RBFOX1: variants seen among roughly 807,000 people sequenced by gnomAD.
RBFOX1 encodes the protein RNA binding protein fox-1 homolog 1.
In RBFOX1, 8 loss-of-function variants were observed where a neutral mutation model predicts 57.7. The observed-to-expected ratio is 0.14, with a 90% confidence interval of 0.08 to 0.25. The LOEUF is 0.25. RBFOX1 is among the 10% of genes least tolerant of loss of function. The pLI is 1.00. For synonymous variants in RBFOX1, 326 were observed against 222.4 expected (o/e 1.47, Z -4.15); for missense variants, 611 against 548.5 (o/e 1.11, Z -1.14).
chr16:6,562,068 C>G (rs532810945), intron 2 of RBFOX1, among the ~76,000 whole-genome samples: 5 of 152,128 alleles, frequency 3.3e-5, no homozygotes, highest in African/African-American at 1.2e-4. Flanking sequence ...TCATTTCCAT[C>G]ATTACTGATG....
intron 14 of RBFOX1, among the ~76,000 whole-genome samples, chr16:7,707,184 C>A (rs1214352209): frequency 1.3e-5 from 2 of 152,170 alleles, no homozygotes; most frequent in Non-Finnish European, 2.9e-5. Flanking sequence ...CCCTTTGACA[C>A]AGGCAGATGG....
At chr16:6,221,963 T>C (rs1304651791) in intron 1 of RBFOX1, among the ~76,000 whole-genome samples, 2 of 152,178 alleles carry the variant, frequency 1.3e-5, no homozygotes, top group Non-Finnish European at 2.9e-5. Context: ...TTATTTACTT[T>C]AGTCCCTATC....
intron 3 of RBFOX1, among the ~76,000 whole-genome samples, chr16:6,998,700 A>G (rs2092484717): frequency 6.6e-6 from 1 of 152,088 alleles, no homozygotes; most frequent in South Asian, 2.1e-4. Flanking sequence ...AGGATGTTTG[A>G]TGATGGCTAC....
chr16:7,679,415 A>G (rs1316630934), intron 14 of RBFOX1, among the ~76,000 whole-genome samples: 5 of 152,202 alleles, frequency 3.3e-5, no homozygotes, highest in African/African-American at 1.2e-4. Context: ...GATAAAGAAA[A>G]ACTTAACAGA....
chr16:6,378,386 G>A (rs1336167632), intron 2 of RBFOX1, among the ~76,000 whole-genome samples: 2 of 152,160 alleles, frequency 1.3e-5, no homozygotes, highest in African/African-American at 2.4e-5. Flanking sequence ...AGCTCGCTGG[G>A]CATCTTTCTG....
intron 4 of RBFOX1, among the ~76,000 whole-genome samples, chr16:7,183,901 A>G (rs1418334540): frequency 1.3e-5 from 2 of 152,172 alleles, no homozygotes; most frequent in Non-Finnish European, 2.9e-5. Flanking sequence ...GGAGTAGTTT[A>G]AAGGGGATAG....
At chr16:6,061,718 AAC>A (rs1174699233) in intron 1 of RBFOX1, among the ~76,000 whole-genome samples, 2 of 152,152 alleles carry the variant, frequency 1.3e-5, no homozygotes, top group African/African-American at 4.8e-5. Context: ...CATAGAAAAA[AAC>A]AGTGTTTTCA....
At chr16:7,264,142 C>G (rs1331737492) in intron 4 of RBFOX1, among the ~76,000 whole-genome samples, 2 of 152,088 alleles carry the variant, frequency 1.3e-5, no homozygotes, top group Non-Finnish European at 2.9e-5. Context: ...GGAAAGGAAG[C>G]TTATAAACTG....
In RBFOX1 at chr16:6,940,879, G is replaced by GTGTGTGTTTGTGTGTGTGTGTGTGTGTT. The variant is rs1555653222; in HGVS notation, c.-15-111171_-15-111170insTTGTGTGTGTGTGTGTGTGTTTGTGTGT. On this transcript the variant is annotated intron_variant, in intron 3 of 15. Coordinates refer to ENST00000550418, the MANE Select transcript of RBFOX1 (RefSeq NM_018723.4). ...TGTGTGTGTGTGTGTGTGTGTGTGT[G>GTGTGTGTTTGTGTGTGTGTGTGTGTGTT]TGTGTGTGTGTTAGAGATGGGGTTT... 1.3e-3 allele frequency among the ~76,000 whole-genome samples: 182 copies of GTGTGTGTTTGTGTGTGTGTGTGTGTGTT among 138,648 alleles called. 4 individuals are homozygous for GTGTGTGTTTGTGTGTGTGTGTGTGTGTT. Among genetic ancestry groups the GTGTGTGTTTGTGTGTGTGTGTGTGTGTT allele is most frequent in the African/African-American group, 4.8e-3 (174 of 35,912 alleles). 91.0% of individuals were successfully genotyped at this position (138,648 alleles called of 152,430 possible). A position where few individuals can be genotyped will look rare whatever the true frequency, so the allele number is the denominator to read the frequency against.
intron 2 of RBFOX1, among the ~76,000 whole-genome samples, chr16:6,497,852 C>T (rs542428319): frequency 1.4e-3 from 213 of 152,142 alleles, no homozygotes; most frequent in Admixed American, 2.1e-3. Flanking sequence ...TCACCACTCC[C>T]GGCCCTATTT....
At chr16:6,304,133 C>T (rs1567892389) in intron 1 of RBFOX1, among the ~76,000 whole-genome samples, 1 of 151,476 alleles carries the variant, frequency 6.6e-6, no homozygotes, top group African/African-American at 2.4e-5. Context: ...CACTAAAATA[C>T]AAAAATTACC....
chr16:5,802,811 A>G (rs1357875239), intron 3 of RBFOX1, among the ~76,000 whole-genome samples: 2 of 152,186 alleles, frequency 1.3e-5, no homozygotes, highest in Non-Finnish European at 2.9e-5. Flanking sequence ...TCATCCATCT[A>G]TACACATATG....
At position 5,503,603 on chromosome 16, in the gene RBFOX1, C is replaced by T. The variant is rs2043276600; in HGVS notation, c.258+36349C>T. Among the ~76,000 whole-genome samples, 4 of 152,266 alleles carry T rather than the reference C, an allele frequency of 2.6e-5. No homozygotes were observed. The South Asian group carries it at 8.3e-4, about 32-fold the overall frequency. ...GGACTATAGGTGTGAGCCACCACAC[C>T]AGGCTACTTTTTGTTATTGTAGTAG... On this transcript the variant is annotated intron_variant, in intron 2 of 2. Coordinates refer to the RBFOX1 transcript ENST00000585867.
At chr16:5,586,382 C>G (rs1018058105) in intron 2 of RBFOX1, among the ~76,000 whole-genome samples, 1 of 152,168 alleles carries the variant, frequency 6.6e-6, no homozygotes, top group Non-Finnish European at 1.5e-5. Context: ...AATTTGGAGA[C>G]CACTGCCTTT....
chr16:6,202,365 C>G (rs145776199), intron 1 of RBFOX1, among the ~76,000 whole-genome samples: 160 of 152,204 alleles, frequency 1.1e-3, no homozygotes, highest in African/African-American at 3.4e-3. Flanking sequence ...CTTGCCATCC[C>G]CATTGACTGG....
chr16:7,369,935 G>A (rs569729060), intron 4 of RBFOX1, among the ~76,000 whole-genome samples: 15 of 152,268 alleles, frequency 9.9e-5, no homozygotes, highest in Admixed American at 5.2e-4. Flanking sequence ...AAATGTTAAC[G>A]GGCTTGCTTG....
intron 1 of RBFOX1, among the ~76,000 whole-genome samples, chr16:6,181,578 G>T (rs541901151): frequency 6.6e-6 from 1 of 152,230 alleles, no homozygotes; most frequent in East Asian, 1.9e-4. Context: ...AGGGCACAAC[G>T]CATTGGGAAA....
At chr16:6,421,736 C>CTG (rs1597010591) in intron 2 of RBFOX1, among the ~76,000 whole-genome samples, 1 of 152,098 alleles carries the variant, frequency 6.6e-6, no homozygotes, top group Non-Finnish European at 1.5e-5. Flanking sequence ...GAAGGGGCTT[C>CTG]TCCATGTATC....
intron 3 of RBFOX1, among the ~76,000 whole-genome samples, chr16:6,849,620 G>T (rs970779191): frequency 6.6e-5 from 10 of 152,200 alleles, no homozygotes; most frequent in African/African-American, 2.4e-4. Flanking sequence ...AGTGAGCTGA[G>T]ATTGTACCAC....
Sources: gnomAD v4.1 joint callset for allele counts (sites outside exome capture counted in the v4.1 genomes callset) on GRCh38, gnomAD v4.1.1 for gene constraint, MANE v1.5 for transcripts, NCBI Gene and HGNC (gene_info 2026-07-23, HGNC 2026-07-21) for gene names.